Variants in GCN1 observed in about 807,000 individuals in gnomAD.
GCN1 encodes the protein GCN1 activator of EIF2AK4, also known as stalled ribosome sensor GCN1.
In GCN1, 90 loss-of-function variants were observed where a neutral mutation model predicts 288.4. That is an observed-to-expected ratio of 0.31 (90% confidence interval 0.26 to 0.37). GCN1 has a LOEUF of 0.37. Ranked by LOEUF, GCN1 falls within the 10% of genes least tolerant of loss-of-function variation. The probability of loss-of-function intolerance (pLI) is 1.00; values close to 1 mark genes in which losing one functional copy is unlikely to be tolerated. For missense variants in GCN1, 2,586 were observed against 3,419.9 expected, an observed-to-expected ratio of 0.76 and a Z score of 6.08; for synonymous variants, 1,386 against 1,420.2, an observed-to-expected ratio of 0.98 and a Z score of 0.54.
In GCN1 at chr12:120,189,056, G is replaced by T. The variant is rs552055685; in HGVS notation, c.121+1242C>A. 3.9e-5 allele frequency among the ~76,000 whole-genome samples: 6 copies of T among 152,186 alleles called. No homozygotes were observed. The South Asian group carries it at 6.2e-4, about 16-fold the overall frequency. ...GTAAAGGCAGAAGTTGTGCAGGGAG[G>T]GGGGAAGAAGGCCATGGTTCCTTTT... On this transcript the variant is annotated intron_variant, in intron 2 of 57. Transcript: ENST00000300648.
chr12:120,184,308 C>T, intron 3 of GCN1, 65 bp from the exon 4 acceptor site: 1 of 1,453,968 alleles, frequency 6.9e-7, no homozygotes, highest in South Asian at 1.2e-5. Context: ...GGCAAGGCTG[C>T]TCAGGCCATA....
intron 1 of GCN1, among the ~76,000 whole-genome samples, chr12:120,190,928 A>G (rs1878983420): frequency 6.6e-6 from 1 of 152,190 alleles, no homozygotes; most frequent in Admixed American, 6.6e-5. Flanking sequence ...AAAGGGGGAA[A>G]GGTTAGGAGA....
chr12:120,165,081 G>T (rs1229888486), intron 16 of GCN1, among the ~76,000 whole-genome samples: 1 of 146,242 alleles, frequency 6.8e-6, no homozygotes, highest in Non-Finnish European at 1.5e-5. Flanking sequence ...GTCACGCTCT[G>T]TCGCCCAGGC....
At position 120,153,606 on chromosome 12, in the gene GCN1, T is replaced by C; in HGVS notation, c.3867+138A>G. 1.1e-6 allele frequency: 1 copy of C among 938,696 alleles called. No individual in the cohort carries two copies. Among genetic ancestry groups the C allele is most frequent in the Non-Finnish European group, 1.6e-6 (1 of 615,374 alleles). 58.1% of individuals were successfully genotyped at this position (938,696 alleles called of 1,614,324 possible). On this transcript the variant is annotated intron_variant, in intron 32 of 57. Coordinates refer to ENST00000300648, the MANE Select transcript of GCN1 (RefSeq NM_006836.2). The surrounding 1 kb of genome is among the most constrained non-coding windows in gnomAD (Gnocchi z 4.4). ...AACACACTATCATGGTCTTTTTGGC[T>C]CAAAGTGCTCTGCCAGGACTCTTGG...
At chr12:120,191,465 C>G (rs892579958) in intron 1 of GCN1, among the ~76,000 whole-genome samples, 3 of 152,202 alleles carry the variant, frequency 2.0e-5, no homozygotes, top group Non-Finnish European at 4.4e-5. Context: ...AGCCGTAGAG[C>G]AGGGCATGAT....
chr12:120,148,354 T>G lies in GCN1; in HGVS notation c.4547-8A>C. 2 of 1,609,138 alleles carry G rather than the reference T, an allele frequency of 1.2e-6. No individual in the cohort carries two copies. ...CAAGAAGCTCCACTGACCCTGTGGA[T>G]AGCAGACACAAGCCCAGTACTGAAT... On this transcript the variant is annotated splice_polypyrimidine_tract_variant and splice_region_variant and intron_variant, in intron 36 of 57. Coordinates refer to ENST00000300648, the MANE Select transcript of GCN1 (RefSeq NM_006836.2).
chr12:120,182,921 C>G (rs1333999714), intron 5 of GCN1, among the ~76,000 whole-genome samples: 3 of 126,676 alleles, frequency 2.4e-5, no homozygotes, highest in Non-Finnish European at 4.8e-5. Flanking sequence ...AGCAACAGAG[C>G]AAGACTCCGT....
Position 120,156,527 on chromosome 12 carries a change from C to T in GCN1, c.3246G>A (p.Glu1082=). 6.2e-7 allele frequency: 1 copy of T among 1,614,004 alleles called. No homozygotes were observed. Among genetic ancestry groups the T allele is most frequent in the Non-Finnish European group, 8.5e-7 (1 of 1,179,888 alleles). Residue 1082 remains glutamate, a synonymous_variant, in exon 28 of 58, where the codon GAG becomes GAA. Transcript: ENST00000300648. The surrounding 1 kb of genome is among the most constrained non-coding windows in gnomAD (Gnocchi z 5.8). ...AGGCACAGAGCAGCACGTCCACCTC[C>T]TCCTGCTCTGCAAAGGCACAGCCAT... is the stretch of plus-strand genomic sequence containing the variant. ...GDDGCAFAEQ[E]EVDVLLCALQ...
intron 20 of GCN1, chr12:120,162,356 C>A: frequency 4.4e-6 from 2 of 450,182 alleles, no homozygotes; most frequent in Non-Finnish European, 8.1e-6. Flanking sequence ...TGACCCAGAA[C>A]AGAAGGATGG....
chr12:120,160,400 C>G (rs768709322), intron 22 of GCN1, 145 bp from the exon 23 acceptor site: 91 of 620,040 alleles, frequency 1.5e-4, no homozygotes, highest in Non-Finnish European at 2.5e-4. Flanking sequence ...CATGTGCACC[C>G]CCAACCTCCC....
At chr12:120,189,673 A>G (rs1434529609) in intron 2 of GCN1, among the ~76,000 whole-genome samples, 1 of 150,476 alleles carries the variant, frequency 6.6e-6, no homozygotes. Context: ...GGCCAAGGCC[A>G]TGGTTCTAAA....
At chr12:120,148,108 T>G in intron 37 of GCN1, 59 bp downstream of exon 37, 1 of 1,297,814 alleles carries the variant, frequency 7.7e-7, no homozygotes, top group Non-Finnish European at 1.1e-6. Context: ...CCCTGCAGTG[T>G]CCAAAGGCTG....
chr12:120,173,947 TACGAG>T, intron 13 of GCN1, 119 bp downstream of exon 13: 1 of 1,049,486 alleles, frequency 9.5e-7, no homozygotes, highest in Non-Finnish European at 1.4e-6. Flanking sequence ...TTCAGACAGC[TACGAG>T]CCTTGCTCTG....
In GCN1 at chr12:120,159,982, G is replaced by A. The variant is rs764356936; in HGVS notation, c.2592C>T (p.Ile864=). Reference sequence around the variant, plus strand: ...GGCCGGACGGGTTCTTGGCCAGGATGATGTCCAGCAGTCCAAGCGCCGCCT... The same window carrying A: ...GGCCGGACGGGTTCTTGGCCAGGATAATGTCCAGCAGTCCAAGCGCCGCCT... ...ELEAALGLLD[I]ILAKNPSGLT... The change falls in exon 24 of 58, where the codon ATC becomes ATT. Residue 864 remains isoleucine (I), a synonymous_variant. Coordinates refer to ENST00000300648, the MANE Select transcript of GCN1 (RefSeq NM_006836.2). 1.2e-6 allele frequency: 2 copies of A among 1,614,174 alleles called. No homozygotes were observed. The highest frequency in any genetic ancestry group is 8.5e-7 in the Non-Finnish European group (1 of 1,180,006).
chr12:120,139,018 G>A (rs1594261707), intron 45 of GCN1, 162 bp from the exon 46 acceptor site: 1 of 570,500 alleles, frequency 1.8e-6, no homozygotes. Context: ...ATAAAAAAAA[G>A]GAGAGAAGGG....
At chr12:120,194,556 G>C (rs1197354396) in intron 1 of GCN1, 124 bp downstream of exon 1, 2 of 940,230 alleles carry the variant, frequency 2.1e-6, no homozygotes, top group East Asian at 3.3e-5. Context: ...ACGGCCCCGA[G>C]ACTACGACCT....
chr12:120,144,751 T>A lies in GCN1; in HGVS notation c.5240A>T (p.Asp1747Val). The change falls in exon 41 of 58, where the codon GAC becomes GTC. Residue 1747 changes from aspartate (D) to valine (V), a missense_variant. Asp to Val is a radical substitution (Grantham distance 152). Transcript: ENST00000300648. This position sits in a 1 kb window ranked among gnomAD's most constrained non-coding sequence, Gnocchi z 4.7. ...PEIVATASKV[D>V]IAPHVRDGYI... ...GCCATCTCGGACATGGGGTGCAATG[T>A]CCACTTTGCTGGCTGTAGCCACGAT... 6.2e-7 allele frequency: 1 copy of A among 1,614,064 alleles called. No individual in the cohort carries two copies. Among genetic ancestry groups the A allele is most frequent in the Non-Finnish European group, 8.5e-7 (1 of 1,179,894 alleles).
intron 11 of GCN1, 82 bp downstream of exon 11, chr12:120,175,664 T>C: frequency 7.1e-7 from 1 of 1,408,760 alleles, no homozygotes; most frequent in Non-Finnish European, 9.7e-7. Context: ...ACTTGGAGCA[T>C]CAAGTCCCCT....
chr12:120,170,207 A>C lies in GCN1; in HGVS notation c.1481T>G (p.Leu494Trp), dbSNP rs1180715327. 6.2e-7 allele frequency: 1 copy of C among 1,614,028 alleles called. No individual in the cohort carries two copies. The highest frequency in any genetic ancestry group is 8.5e-7 in the Non-Finnish European group (1 of 1,180,000). Residue 494 changes from leucine (L) to tryptophan (W), a missense_variant, in exon 15 of 58, where the codon TTG (leucine) becomes TGG (tryptophan). This residue lies in a region of GCN1 where 913 missense variants were observed against 1,107.0 expected (regional missense o/e 0.82). Coordinates refer to ENST00000300648, the MANE Select transcript of GCN1 (RefSeq NM_006836.2). ...PTITEGVAAA[L>W]LLLKLSVADS... Reference sequence around the variant, plus strand: ...AGCCACTGACAACTTTAAGAGCAACAAGGCTGCGGCAACCCCTTCAGTGAT... The same window carrying C: ...AGCCACTGACAACTTTAAGAGCAACCAGGCTGCGGCAACCCCTTCAGTGAT...
Sources: gnomAD v4.1 joint callset for allele counts (sites outside exome capture counted in the v4.1 genomes callset) on GRCh38, gnomAD v4.1.1 for gene constraint, gnomAD v4.1.1 regional missense constraint, Gnocchi (gnomAD v3.1) non-coding constraint, MANE v1.5 for transcripts, NCBI Gene and HGNC (gene_info 2026-07-23, HGNC 2026-07-21) for gene names.